The following PBX1 variants were observed in gnomAD, a reference collection of about 807,000 sequenced individuals.
PBX1 encodes the protein pre-B-cell leukemia transcription factor 1.
PBX1 carries 6 observed loss-of-function variants against 53.4 expected under a neutral mutation model. The observed-to-expected ratio is 0.11, with a 90% CI of 0.06 to 0.22. The LOEUF (loss-of-function observed/expected upper bound fraction) is 0.22, where lower values mean the gene tolerates loss of function less well. PBX1 is among the 10% of genes least tolerant of loss of function. The pLI, the probability that PBX1 is intolerant of heterozygous loss-of-function variation, is 1.00. For missense variants in PBX1, 251 were observed against 551.4 expected (o/e 0.46, Z 5.46); for synonymous variants, 204 against 212.3 (o/e 0.96, Z 0.34).
At chr1:164,634,556 C>T (rs1275474761) in intron 2 of PBX1, among the ~76,000 whole-genome samples, 2 of 152,152 alleles carry the variant, frequency 1.3e-5, no homozygotes, top group Admixed American at 1.3e-4. Flanking sequence ...GTCCCTCCCA[C>T]AATGCTCTTT....
intron 2 of PBX1, among the ~76,000 whole-genome samples, chr1:164,567,817 A>G (rs968175601): frequency 2.0e-5 from 3 of 152,118 alleles, no homozygotes; most frequent in Non-Finnish European, 4.4e-5. Flanking sequence ...ATTTTTTTCT[A>G]ACAATAGGAG....
intron 2 of PBX1, among the ~76,000 whole-genome samples, chr1:164,783,821 A>G (rs1011618393): frequency 6.6e-6 from 1 of 152,148 alleles, no homozygotes; most frequent in African/African-American, 2.4e-5. Context: ...GGACAAGGAA[A>G]TCTATCATGT....
chr1:164,589,926 A>C (rs1365127569), intron 2 of PBX1, among the ~76,000 whole-genome samples: 1 of 152,200 alleles, frequency 6.6e-6, no homozygotes, highest in South Asian at 2.1e-4. Flanking sequence ...CTGATAAGAA[A>C]GGCCAGGTGC....
At chr1:164,820,964 G>A (rs1004989729) in intron 7 of PBX1, among the ~76,000 whole-genome samples, 2 of 152,146 alleles carry the variant, frequency 1.3e-5, no homozygotes, top group Non-Finnish European at 2.9e-5. Context: ...ACTGGTCAGC[G>A]ATTCACCCCT....
intron 8 of PBX1, among the ~76,000 whole-genome samples, chr1:164,824,643 T>C (rs1423038387): frequency 6.6e-6 from 1 of 152,090 alleles, no homozygotes; most frequent in African/African-American, 2.4e-5. Flanking sequence ...GAGATGGATA[T>C]AGTGTTATGC....
chr1:164,813,398 A>T (rs1350738176), intron 6 of PBX1: 1 of 152,238 alleles, frequency 6.6e-6, no homozygotes, highest in Admixed American at 6.5e-5. Flanking sequence ...TTAGATTCCT[A>T]TGAGGAGCAT....
chr1:164,786,720 TGC>T (rs1553246258), intron 2 of PBX1, among the ~76,000 whole-genome samples: 22 of 116,292 alleles, frequency 1.9e-4, no homozygotes, highest in East Asian at 2.6e-4. Context: ...TGTGTGTGTG[TGC>T]GCGCGCACAC....
At chr1:164,742,753 T>A (rs1226067655) in intron 2 of PBX1, among the ~76,000 whole-genome samples, 1 of 152,186 alleles carries the variant, frequency 6.6e-6, no homozygotes, top group Non-Finnish European at 1.5e-5. Flanking sequence ...GGAGAGCGGC[T>A]GCTTGACCCA....
intron 2 of PBX1, among the ~76,000 whole-genome samples, chr1:164,747,752 C>T (rs1665972549): frequency 6.6e-6 from 1 of 152,106 alleles, no homozygotes; most frequent in African/African-American, 2.4e-5. Flanking sequence ...TAATCTAGGA[C>T]TCAACCTGAG....
intron 2 of PBX1, among the ~76,000 whole-genome samples, chr1:164,648,748 TAGG>T (rs1659612376): frequency 1.3e-5 from 2 of 152,262 alleles, no homozygotes; most frequent in Admixed American, 1.3e-4. Context: ...CTTTTTCAGA[TAGG>T]AGAGAAAACA....
chr1:164,863,843 G>A (rs1404212829), intron 2 of PBX1, among the ~76,000 whole-genome samples: 2 of 152,142 alleles, frequency 1.3e-5, no homozygotes, highest in South Asian at 2.1e-4. Context: ...GACCACATGA[G>A]GTGGCATGTT....
rs115378417 is a variant in PBX1 at position 164,722,357 on chromosome 1, A to G, written c.266-70137A>G. ...CTGATTACTTAGTGGAGAGTGCTGG[A>G]CATCTCCCTTAATTAATTCCATCGA... On this transcript the variant is annotated intron_variant, in intron 2 of 8. Transcript: ENST00000420696. Among the ~76,000 whole-genome samples, 274 of 152,286 alleles carry G rather than the reference A, an allele frequency of 1.8e-3. 1 individual carries two copies. The highest frequency in any genetic ancestry group is 6.2e-3 in the African/African-American group (258 of 41,546).
At chr1:164,719,485 A>G (rs992454787) in intron 2 of PBX1, among the ~76,000 whole-genome samples, 2 of 152,172 alleles carry the variant, frequency 1.3e-5, no homozygotes, top group African/African-American at 4.8e-5. Flanking sequence ...TCTCTACAGG[A>G]AATCAGGGAG....
chr1:164,801,044 C>T (rs1184366592), intron 4 of PBX1, among the ~76,000 whole-genome samples: 1 of 151,604 alleles, frequency 6.6e-6, no homozygotes, highest in African/African-American at 2.4e-5. Flanking sequence ...AACGCCCTGG[C>T]ATCTTTTTTC....
intron 2 of PBX1, among the ~76,000 whole-genome samples, chr1:164,885,262 A>G (rs1318457157): frequency 1.3e-5 from 2 of 152,232 alleles, no homozygotes; most frequent in Non-Finnish European, 2.9e-5. Context: ...GCTCAAAGAC[A>G]TCATTTAGTA....
At chr1:164,725,973 C>T (rs1664681744) in intron 2 of PBX1, among the ~76,000 whole-genome samples, 1 of 152,154 alleles carries the variant, frequency 6.6e-6, no homozygotes, top group South Asian at 2.1e-4. Context: ...CTTAGAGCTT[C>T]TGGAATTTTC....
At chr1:164,786,840 G>A (rs1007098905) in intron 2 of PBX1, among the ~76,000 whole-genome samples, 2 of 152,118 alleles carry the variant, frequency 1.3e-5, no homozygotes, top group Admixed American at 6.5e-5. Flanking sequence ...TAAAGATCTA[G>A]AGTTCAGTGT....
At chr1:164,797,681 C>T (rs1288914867) in intron 3 of PBX1, among the ~76,000 whole-genome samples, 1 of 152,126 alleles carries the variant, frequency 6.6e-6, no homozygotes, top group Non-Finnish European at 1.5e-5. Flanking sequence ...GAAGTTTACC[C>T]AGTTATCGAT....
chr1:164,785,621 G>A (rs1263502976), intron 2 of PBX1, among the ~76,000 whole-genome samples: 2 of 152,206 alleles, frequency 1.3e-5, no homozygotes, highest in Non-Finnish European at 2.9e-5. Flanking sequence ...CCGAGGGACT[G>A]GAGGAGCGTA....
Sources: gnomAD v4.1 joint callset for allele counts (sites outside exome capture counted in the v4.1 genomes callset) on GRCh38, gnomAD v4.1.1 for gene constraint, MANE v1.5 for transcripts, NCBI Gene and HGNC (gene_info 2026-07-23, HGNC 2026-07-21) for gene names.